The following PPARGC1A variants were observed in gnomAD, a reference collection of about 807,000 sequenced individuals.
The protein encoded by PPARGC1A is peroxisome proliferator-activated receptor gamma coactivator 1-alpha.
Under a neutral mutation model 88.7 loss-of-function variants are expected in PPARGC1A, and 25 were observed. That is an observed-to-expected ratio of 0.28 (90% CI 0.21 to 0.39). The LOEUF is 0.39. Among genes scored for constraint, PPARGC1A ranks in the 10% least tolerant of loss-of-function variants. The pLI is 1.00. For missense variants in PPARGC1A, 880 were observed against 968.7 expected (o/e 0.91, Z 1.22); for synonymous variants, 363 against 355.6 (o/e 1.02, Z -0.24).
the PPARGC1A span, among the ~76,000 whole-genome samples, chr4:24,357,181 T>C: frequency 0.38 from 57,285 of 151,978 alleles, 11,138 homozygotes; most frequent in Non-Finnish European, 0.41. Context: ...TACTCTCTCC[T>C]CCAGGATGCT....
chr4:23,967,523 G>A, the PPARGC1A span, among the ~76,000 whole-genome samples: 2 of 152,064 alleles, frequency 1.3e-5, no homozygotes, highest in Non-Finnish European at 2.9e-5. Flanking sequence ...CTTCTGATTG[G>A]CTCCTCGGAG....
the PPARGC1A span, among the ~76,000 whole-genome samples, chr4:24,057,649 C>T: frequency 6.6e-6 from 1 of 152,150 alleles, no homozygotes. Flanking sequence ...GCTATTAACA[C>T]CACGTGTGTA....
chr4:24,043,436 C>G, the PPARGC1A span, among the ~76,000 whole-genome samples: 7 of 152,118 alleles, frequency 4.6e-5, no homozygotes, highest in African/African-American at 1.7e-4. Context: ...ACTGTAACTT[C>G]ATTTTTTCTA....
chr4:23,836,666 A>G (rs1184095178), intron 2 of PPARGC1A, among the ~76,000 whole-genome samples: 1 of 152,196 alleles, frequency 6.6e-6, no homozygotes, highest in East Asian at 1.9e-4. Context: ...GTCTGACATC[A>G]TTTAAAAGGC....
chr4:24,317,316 T>G, the PPARGC1A span, among the ~76,000 whole-genome samples: 1 of 151,944 alleles, frequency 6.6e-6, no homozygotes, highest in Non-Finnish European at 1.5e-5. Flanking sequence ...GTCACTCTCC[T>G]AGGCACTGGC....
the PPARGC1A span, among the ~76,000 whole-genome samples, chr4:24,176,004 C>T: frequency 5.3e-5 from 8 of 152,006 alleles, no homozygotes; most frequent in East Asian, 1.9e-4. Flanking sequence ...AGAAAGACAA[C>T]GAATAACAAG....
chr4:24,007,658 C>T, the PPARGC1A span, among the ~76,000 whole-genome samples: 1 of 151,932 alleles, frequency 6.6e-6, no homozygotes, highest in Non-Finnish European at 1.5e-5. Context: ...TCCCTGGAGC[C>T]CAAAGAACAT....
intron 10 of PPARGC1A, among the ~76,000 whole-genome samples, chr4:23,807,187 G>A (rs1719957876): frequency 6.6e-6 from 1 of 152,108 alleles, no homozygotes; most frequent in Non-Finnish European, 1.5e-5. Flanking sequence ...AAAAGAAGAG[G>A]TGAGTGGAGT....
At chr4:23,909,285 A>T in the PPARGC1A span, among the ~76,000 whole-genome samples, 2 of 152,214 alleles carry the variant, frequency 1.3e-5, no homozygotes, top group African/African-American at 4.8e-5. Context: ...TAGCAGCTAC[A>T]ATTATTACTT....
At chr4:24,268,587 G>C in the PPARGC1A span, among the ~76,000 whole-genome samples, 88,815 of 151,996 alleles carry the variant, frequency 0.58, 26,528 homozygotes, top group East Asian at 0.78. Context: ...GGCTACCAAA[G>C]AGGACCTCAG....
At chr4:23,859,148 G>C (rs936067044) in intron 2 of PPARGC1A, among the ~76,000 whole-genome samples, 3 of 152,116 alleles carry the variant, frequency 2.0e-5, no homozygotes, top group African/African-American at 7.2e-5. Context: ...CCCAGGGAAT[G>C]TAGTAAGAGA....
At chr4:24,333,927 CCAACAA>C in the PPARGC1A span, among the ~76,000 whole-genome samples, 759 of 75,562 alleles carry the variant, frequency 0.01, 301 homozygotes, top group Middle Eastern at 0.12. Context: ...GAGGAAGACT[CCAACAA>C]CAACAACAAA....
chr4:23,802,006 T>C (rs1043572001), intron 11 of PPARGC1A, 125 bp from the exon 12 acceptor site: 2 of 1,320,348 alleles, frequency 1.5e-6, no homozygotes, highest in Non-Finnish European at 2.1e-6. Context: ...TTTATCAGTG[T>C]GATTGTCCTG....
the PPARGC1A span, among the ~76,000 whole-genome samples, chr4:23,992,254 ATTATTAT>A: frequency 2.8e-5 from 1 of 36,134 alleles, no homozygotes; most frequent in Non-Finnish European, 6.6e-5. Context: ...TGATATTATG[ATTATTAT>A]CAGATAATAT....
At chr4:24,432,102 CA>C in the PPARGC1A span, among the ~76,000 whole-genome samples, 132 of 152,028 alleles carry the variant, frequency 8.7e-4, no homozygotes, top group African/African-American at 3.0e-3. Context: ...GAGATGAAAG[CA>C]ATCAGAGATC....
intron 2 of PPARGC1A, among the ~76,000 whole-genome samples, chr4:23,843,609 G>A (rs1577475621): frequency 6.6e-6 from 1 of 152,104 alleles, no homozygotes; most frequent in Non-Finnish European, 1.5e-5. Context: ...GATAAGACAT[G>A]AACAAATGGA....
chr4:24,418,076 G>A, the PPARGC1A span, among the ~76,000 whole-genome samples: 3 of 151,774 alleles, frequency 2.0e-5, no homozygotes, highest in African/African-American at 7.3e-5. Context: ...AATTGTGTGG[G>A]CTTTTGTGAA....
intron 2 of PPARGC1A, among the ~76,000 whole-genome samples, chr4:23,845,645 G>C (rs913561441): frequency 2.0e-5 from 3 of 152,094 alleles, no homozygotes; most frequent in African/African-American, 4.8e-5. Flanking sequence ...AAGAAACTAG[G>C]AGCCACTTAG....
chr4:24,104,267 CT>C, the PPARGC1A span, among the ~76,000 whole-genome samples: 1 of 152,176 alleles, frequency 6.6e-6, no homozygotes, highest in Non-Finnish European at 1.5e-5. Context: ...CATACTTTAT[CT>C]CCTACTCATC....
Sources: allele counts gnomAD v4.1 joint callset (sites outside exome capture counted in the v4.1 genomes callset), GRCh38; gene constraint gnomAD v4.1.1; transcripts MANE v1.5; gene names NCBI Gene and HGNC (gene_info 2026-07-23, HGNC 2026-07-21).